The following LRFN5 variants were observed in gnomAD, a reference collection of about 807,000 sequenced individuals.
LRFN5 encodes leucine-rich repeat and fibronectin type-III domain-containing protein 5.
LRFN5 carries 24 observed loss-of-function variants against 45.6 expected under a neutral mutation model. The observed-to-expected ratio is 0.53, with a 90% confidence interval of 0.38 to 0.74. LRFN5 has a LOEUF of 0.74. LRFN5 is among the 30% of genes least tolerant of loss of function. The pLI, the probability that LRFN5 is intolerant of heterozygous loss-of-function variation, is 0.00. For missense variants in LRFN5, 776 were observed against 861.5 expected (o/e 0.90, Z 1.24); for synonymous variants, 340 against 313.8 (o/e 1.08, Z -0.88).
rs1184644643 is a variant in LRFN5 at position 41,686,352 on chromosome 14, CA to C, written c.-197+77792del. 2.0e-5 allele frequency among the ~76,000 whole-genome samples: 3 copies of C among 151,936 alleles called. No homozygotes were observed. The East Asian group carries it at 5.8e-4, about 30-fold the overall frequency. On this transcript the variant is annotated intron_variant, in intron 1 of 5. Transcript: ENST00000298119. The stretch of plus-strand genomic sequence containing the variant: ...ACTTTGCTGAAGTTGCTTATCAGTT[CA>C]AGAAGTTCTGGGGCTGATACGATGG...
chr14:41,809,201 G>A (rs1169644429), intron 2 of LRFN5, among the ~76,000 whole-genome samples: 3 of 151,796 alleles, frequency 2.0e-5, no homozygotes, highest in Non-Finnish European at 2.9e-5. Context: ...CCCATTAGTA[G>A]GAAAGTGATT....
chr14:41,892,315 CTA>C, intron 4 of LRFN5: 1 of 902,574 alleles, frequency 1.1e-6, no homozygotes, highest in Non-Finnish European at 1.3e-6. Flanking sequence ...ACATATATAA[CTA>C]TATATATGTA....
intron 1 of LRFN5, among the ~76,000 whole-genome samples, chr14:41,674,352 G>T (rs1477055464): frequency 7.0e-6 from 1 of 142,316 alleles, no homozygotes; most frequent in African/African-American, 2.7e-5. Flanking sequence ...CTCCCTCCCA[G>T]ATGGGGCGGC....
chr14:41,624,259 G>T (rs1888244559), intron 1 of LRFN5, among the ~76,000 whole-genome samples: 1 of 151,824 alleles, frequency 6.6e-6, no homozygotes, highest in African/African-American at 2.4e-5. Context: ...TAATCATTGT[G>T]GACTGAAATT....
intron 1 of LRFN5, among the ~76,000 whole-genome samples, chr14:41,629,284 AT>A (rs1327421009): frequency 7.9e-5 from 12 of 152,166 alleles, no homozygotes; most frequent in Non-Finnish European, 1.8e-4. Flanking sequence ...CCATCAGATA[AT>A]TTATCCAACA....
At chr14:41,857,578 G>C (rs867593967) in intron 2 of LRFN5, among the ~76,000 whole-genome samples, 1 of 152,070 alleles carries the variant, frequency 6.6e-6, no homozygotes, top group Non-Finnish European at 1.5e-5. Flanking sequence ...ATCGTTTTAT[G>C]TATTTGTTCG....
intron 2 of LRFN5, among the ~76,000 whole-genome samples, chr14:41,821,634 T>C (rs1280455883): frequency 6.6e-6 from 1 of 151,970 alleles, no homozygotes; most frequent in Non-Finnish European, 1.5e-5. Flanking sequence ...CAAGATGATA[T>C]GAGCTTTGTA....
At chr14:41,609,356 TATAATAGATATTTTGAA>T (rs1443639650) in intron 1 of LRFN5, among the ~76,000 whole-genome samples, 3 of 151,352 alleles carry the variant, frequency 2.0e-5, no homozygotes, top group Non-Finnish European at 2.9e-5. Flanking sequence ...TTTATCCCTG[TATAATAGATATTTTGAA>T]TTTTTTTTTT....
intron 1 of LRFN5, among the ~76,000 whole-genome samples, chr14:41,654,390 T>C (rs1163070455): frequency 6.6e-6 from 1 of 152,062 alleles, no homozygotes; most frequent in Non-Finnish European, 1.5e-5. Context: ...GTTTTTAGCA[T>C]GTACATAGTA....
chr14:41,800,114 A>G (rs1887273984), intron 2 of LRFN5, among the ~76,000 whole-genome samples: 1 of 152,048 alleles, frequency 6.6e-6, no homozygotes, highest in African/African-American at 2.4e-5. Context: ...GGCACTTCCA[A>G]AATTTGACAC....
intron 1 of LRFN5, among the ~76,000 whole-genome samples, chr14:41,638,477 ATT>A (rs1162987272): frequency 6.6e-6 from 1 of 152,152 alleles, no homozygotes; most frequent in African/African-American, 2.4e-5. Context: ...GATGAAAGCA[ATT>A]TAGTGAAGAA....
At chr14:41,802,888 A>C (rs1308983193) in intron 2 of LRFN5, among the ~76,000 whole-genome samples, 2 of 152,168 alleles carry the variant, frequency 1.3e-5, no homozygotes. Context: ...CAGAAATGAA[A>C]GGGAATTGTA....
chr14:41,640,750 G>T, intron 1 of LRFN5, among the ~76,000 whole-genome samples: 1 of 152,052 alleles, frequency 6.6e-6, no homozygotes, highest in Non-Finnish European at 1.5e-5. Flanking sequence ...ACACAAAACT[G>T]TAACAAACAA....
intron 2 of LRFN5, among the ~76,000 whole-genome samples, chr14:41,809,297 A>G (rs975275164): frequency 1.3e-5 from 2 of 152,090 alleles, no homozygotes; most frequent in Admixed American, 1.3e-4. Context: ...GACTATAACA[A>G]TTTGTTTTAA....
intron 2 of LRFN5, among the ~76,000 whole-genome samples, chr14:41,808,595 A>G (rs112925843): frequency 0.15 from 20,567 of 133,702 alleles, 1,674 homozygotes; most frequent in African/African-American, 0.2. Context: ...GGAAGGAAGG[A>G]ACGAAGGAAG....
intron 2 of LRFN5, among the ~76,000 whole-genome samples, chr14:41,768,094 G>A (rs1885952033): frequency 6.6e-6 from 1 of 152,114 alleles, no homozygotes; most frequent in Admixed American, 6.6e-5. Flanking sequence ...TTTTCTTGAA[G>A]TGAACAGGTA....
chr14:41,705,714 C>T (rs934024673), intron 1 of LRFN5, among the ~76,000 whole-genome samples: 2 of 152,080 alleles, frequency 1.3e-5, no homozygotes, highest in Admixed American at 1.3e-4. Context: ...TCTCATTATG[C>T]TCATATGTCA....
At chr14:41,630,425 A>G (rs1888493728) in intron 1 of LRFN5, among the ~76,000 whole-genome samples, 1 of 152,134 alleles carries the variant, frequency 6.6e-6, no homozygotes, top group Non-Finnish European at 1.5e-5. Context: ...AGGGTTTCTG[A>G]AGACTGCTTT....
chr14:41,673,935 T>A (rs1290553204), intron 1 of LRFN5, among the ~76,000 whole-genome samples: 2 of 104,796 alleles, frequency 1.9e-5, no homozygotes, highest in Non-Finnish European at 4.0e-5. Flanking sequence ...GGCGGCTGGC[T>A]GGGCGGGGGG....
Sources: gnomAD v4.1 joint callset for allele counts (sites outside exome capture counted in the v4.1 genomes callset) on GRCh38, gnomAD v4.1.1 for gene constraint, MANE v1.5 for transcripts, NCBI Gene and HGNC (gene_info 2026-07-23, HGNC 2026-07-21) for gene names.